KLRG1: variants seen among roughly 807,000 people sequenced by gnomAD.
KLRG1 encodes the protein killer cell lectin like receptor G1.
A neutral mutation model predicts 21.8 loss-of-function variants in KLRG1; 16 were observed. The observed-to-expected ratio is 0.73, with a 90% CI of 0.50 to 1.11. KLRG1 has a LOEUF of 1.11. KLRG1 is among the 50% of genes most tolerant of loss of function. KLRG1 has a pLI of 0.00. For synonymous variants in KLRG1, 69 were observed against 75.9 expected (o/e 0.91, Z 0.47); for missense variants, 173 against 218.3 (o/e 0.79, Z 1.31).
At chr12:9,101,057 A>G in the KLRG1 span, 378 of 1,287,330 alleles carry the variant, frequency 2.9e-4, no homozygotes, top group Non-Finnish European at 3.6e-4. Flanking sequence ...CCTATGGAAA[A>G]AAAGGGAAAG....
At chr12:9,095,626 G>A in the KLRG1 span, 4 of 1,609,866 alleles carry the variant, frequency 2.5e-6, no homozygotes, top group South Asian at 4.4e-5. Context: ...GACGATTGAT[G>A]CAGTCTTCAT....
At chr12:9,194,172 C>A in the KLRG1 span, 2 of 1,613,758 alleles carry the variant, frequency 1.2e-6, no homozygotes, top group Admixed American at 3.3e-5. Context: ...TAATAATTGG[C>A]GTCATTCACA....
chr12:9,045,058 T>C, the KLRG1 span, among the ~76,000 whole-genome samples: 1 of 152,180 alleles, frequency 6.6e-6, no homozygotes, highest in African/African-American at 2.4e-5. Context: ...AGAAAGAGGC[T>C]GAAAAGTATT....
chr12:9,125,223 G>A, the KLRG1 span, among the ~76,000 whole-genome samples: 3 of 152,330 alleles, frequency 2.0e-5, no homozygotes, highest in South Asian at 6.2e-4. Flanking sequence ...ACGGAGAGGA[G>A]CTACCCACTG....
At chr12:8,955,993 TA>T in intron 1 of KLRG1, among the ~76,000 whole-genome samples, 1 of 152,234 alleles carries the variant, frequency 6.6e-6, no homozygotes, top group Non-Finnish European at 1.5e-5. Flanking sequence ...TCTGAGCCCA[TA>T]AAAACTCCCG....
chr12:8,999,483 G>A (rs1038870555), intron 3 of KLRG1, among the ~76,000 whole-genome samples: 1 of 152,110 alleles, frequency 6.6e-6, no homozygotes, highest in Non-Finnish European at 1.5e-5. Context: ...GGGATTCCCC[G>A]AGCTTTTGAT....
the KLRG1 span, chr12:9,196,614 T>C: frequency 6.2e-7 from 1 of 1,613,784 alleles, no homozygotes; most frequent in Non-Finnish European, 8.5e-7. Context: ...TAAGCTTCAT[T>C]TCAAAGCCCG....
chr12:8,980,360 C>T (rs1946734288), intron 1 of KLRG1, among the ~76,000 whole-genome samples: 1 of 152,112 alleles, frequency 6.6e-6, no homozygotes, highest in Non-Finnish European at 1.5e-5. Flanking sequence ...AACACTTTAA[C>T]TTTGAATTCT....
intron 3 of KLRG1, among the ~76,000 whole-genome samples, chr12:9,002,690 C>T (rs1947340038): frequency 6.6e-6 from 1 of 151,682 alleles, no homozygotes; most frequent in Admixed American, 6.6e-5. Flanking sequence ...TCTCAGCCTC[C>T]TAAGTAGCTG....
chr12:9,007,732 T>C (rs904539770), intron 3 of KLRG1, among the ~76,000 whole-genome samples: 2 of 152,208 alleles, frequency 1.3e-5, no homozygotes, highest in African/African-American at 4.8e-5. Flanking sequence ...GGTGGTATCA[T>C]AATCACCATA....
At chr12:9,095,048 G>A in the KLRG1 span, 4 of 1,594,494 alleles carry the variant, frequency 2.5e-6, no homozygotes, top group South Asian at 3.5e-5. Flanking sequence ...TTGGGTTTAC[G>A]AATCTTTGAG....
the KLRG1 span, chr12:9,036,596 GAAAA>G: frequency 5.7e-6 from 1 of 176,160 alleles, no homozygotes; most frequent in East Asian, 1.8e-4. Context: ...GACTTTCCCA[GAAAA>G]ATGAGACACT....
chr12:9,201,123 A>C, the KLRG1 span: 1 of 1,575,978 alleles, frequency 6.3e-7, no homozygotes, highest in Non-Finnish European at 8.6e-7. Context: ...GAGCAACTCA[A>C]ATGATTTTGA....
the KLRG1 span, among the ~76,000 whole-genome samples, chr12:9,030,002 C>G: frequency 2.6e-5 from 4 of 152,342 alleles, no homozygotes; most frequent in African/African-American, 9.6e-5. Context: ...GATCCACCTG[C>G]CTTGGCCTCC....
the KLRG1 span, chr12:9,196,892 G>A: frequency 6.9e-4 from 603 of 874,986 alleles, 2 homozygotes; most frequent in African/African-American, 8.1e-3. Context: ...ACAGAAATTC[G>A]TTTTTTGGTG....
the KLRG1 span, chr12:9,157,126 T>C: frequency 1.3e-6 from 2 of 1,553,580 alleles, no homozygotes; most frequent in South Asian, 1.2e-5. Flanking sequence ...TTCCCCTCCC[T>C]GTGTCTATGT....
chr12:9,003,256 A>G (rs986048314), intron 3 of KLRG1, among the ~76,000 whole-genome samples: 11 of 152,166 alleles, frequency 7.2e-5, no homozygotes, highest in Admixed American at 3.3e-4. Flanking sequence ...CTCCTCTTGA[A>G]ATGAAAGAAA....
chr12:9,182,200 T>C, the KLRG1 span: 1 of 1,378,514 alleles, frequency 7.3e-7, no homozygotes, highest in Non-Finnish European at 9.8e-7. Context: ...ACACTATTGC[T>C]TGGTCTTATC....
intron 1 of KLRG1, chr12:8,991,982 A>G (rs74643685): frequency 0.013 from 5,116 of 400,806 alleles, 233 homozygotes; most frequent in African/African-American, 0.095. Context: ...GGAAAAAAGC[A>G]TTCTTTATCT....
Sources: allele counts gnomAD v4.1 joint callset (sites outside exome capture counted in the v4.1 genomes callset), GRCh38; gene constraint gnomAD v4.1.1; transcripts MANE v1.5; gene names NCBI Gene and HGNC (gene_info 2026-07-23, HGNC 2026-07-21).